ZNF277: variants seen among roughly 807,000 people sequenced by gnomAD.
The protein encoded by ZNF277 is zinc finger protein 277, also known as nuclear receptor-interacting factor 4.
Under a neutral mutation model 60.7 loss-of-function variants are expected in ZNF277, and 55 were observed. The observed-to-expected ratio is 0.91, with a 90% confidence interval of 0.73 to 1.13. ZNF277 has a LOEUF of 1.13. ZNF277 is among the 50% of genes most tolerant of loss of function. The pLI is 0.00. For missense variants in ZNF277, 510 were observed against 523.0 expected (o/e 0.98, Z 0.24); for synonymous variants, 178 against 179.3 (o/e 0.99, Z 0.06).
In ZNF277 at chr7:112,343,544, C is replaced by T. The variant is rs1362366793; in HGVS notation, c.*815C>T. Among the ~76,000 whole-genome samples, 2 of 152,064 alleles carry T rather than the reference C, an allele frequency of 1.3e-5. No homozygotes were observed. Among genetic ancestry groups the T allele is most frequent in the Non-Finnish European group, 2.9e-5 (2 of 68,016 alleles). ...ATTACTGATGAATATTATATGCCTC[C>T]TGATAAGATGTACTGAGGAGGACAG... On this transcript the variant is annotated 3_prime_UTR_variant, in exon 12 of 12. Coordinates refer to ENST00000361822, the MANE Select transcript of ZNF277 (RefSeq NM_021994.3).
Position 112,212,956 on chromosome 7 carries a change from G to A in ZNF277, c.91+6149G>A, listed in dbSNP as rs953507382. ...GGGGTTGCCTCACAAGGTATAGGCC[G>A]TGGGATGTCAGAGAAGATAAGAATT... On this transcript the variant is annotated intron_variant, in intron 1 of 11. Coordinates refer to ENST00000361822, the MANE Select transcript of ZNF277 (RefSeq NM_021994.3). Among the ~76,000 whole-genome samples, 4 of 152,264 alleles carry A rather than the reference G, an allele frequency of 2.6e-5. No homozygotes were observed. In the South Asian group the frequency reaches 6.2e-4, roughly 24 times the overall value.
chr7:112,256,860 G>A (rs1342847676), intron 1 of ZNF277, among the ~76,000 whole-genome samples: 1 of 152,112 alleles, frequency 6.6e-6, no homozygotes, highest in Non-Finnish European at 1.5e-5. Context: ...TAGAAAATCT[G>A]TTCTTTTCTT....
intron 9 of ZNF277, among the ~76,000 whole-genome samples, 175 bp from the exon 10 acceptor site, chr7:112,339,667 TA>T (rs1563234854): frequency 6.6e-6 from 1 of 152,162 alleles, no homozygotes; most frequent in Non-Finnish European, 1.5e-5. Flanking sequence ...GACTATGCTG[TA>T]AAAAAGTTGG....
chr7:112,263,767 G>T (rs1354130317), intron 1 of ZNF277, among the ~76,000 whole-genome samples: 1 of 152,166 alleles, frequency 6.6e-6, no homozygotes, highest in Non-Finnish European at 1.5e-5. Context: ...CTTTTTGTGG[G>T]TTTGGTTTTG....
chr7:112,222,959 C>T (rs548991848), intron 1 of ZNF277, among the ~76,000 whole-genome samples: 1 of 152,286 alleles, frequency 6.6e-6, no homozygotes, highest in African/African-American at 2.4e-5. Context: ...CAGCCTGCAT[C>T]TTTCTACCAT....
chr7:112,251,648 C>T (rs1376326207), intron 1 of ZNF277, among the ~76,000 whole-genome samples: 1 of 152,164 alleles, frequency 6.6e-6, no homozygotes, highest in African/African-American at 2.4e-5. Flanking sequence ...TAGTGATACC[C>T]TTGGACCTGA....
intron 1 of ZNF277, among the ~76,000 whole-genome samples, chr7:112,219,782 T>G (rs1821979068): frequency 6.6e-6 from 1 of 152,098 alleles, no homozygotes; most frequent in Non-Finnish European, 1.5e-5. Context: ...ATTACAGGTG[T>G]GCACCATCAC....
chr7:112,286,697 CT>C (rs1563216042), intron 1 of ZNF277, among the ~76,000 whole-genome samples, 175 bp from the exon 2 acceptor site: 1 of 152,148 alleles, frequency 6.6e-6, no homozygotes, highest in African/African-American at 2.4e-5. Flanking sequence ...GCTACAAACA[CT>C]GTTTAAAATG....
chr7:112,264,790 T>C (rs1791512047), intron 1 of ZNF277, among the ~76,000 whole-genome samples: 1 of 152,196 alleles, frequency 6.6e-6, no homozygotes, highest in Non-Finnish European at 1.5e-5. Flanking sequence ...TATTTACACA[T>C]ATTAAGTGTG....
chr7:112,237,845 G>A (rs891730014), intron 1 of ZNF277, among the ~76,000 whole-genome samples: 4 of 152,122 alleles, frequency 2.6e-5, no homozygotes, highest in Non-Finnish European at 5.9e-5. Context: ...ACACCCTGAT[G>A]TCAAAACCAG....
intron 1 of ZNF277, among the ~76,000 whole-genome samples, chr7:112,265,678 A>T (rs1336345600): frequency 6.6e-6 from 1 of 152,206 alleles, no homozygotes; most frequent in Non-Finnish European, 1.5e-5. Flanking sequence ...GTATATGAAG[A>T]AAAATCATCA....
intron 1 of ZNF277, among the ~76,000 whole-genome samples, chr7:112,256,091 G>T (rs1935796802): frequency 6.6e-6 from 1 of 152,088 alleles, no homozygotes; most frequent in African/African-American, 2.4e-5. Flanking sequence ...TTGGTGCTTA[G>T]CATACCATAG....
At chr7:112,334,902 A>G (rs1398910268) in intron 7 of ZNF277, among the ~76,000 whole-genome samples, 1 of 152,178 alleles carries the variant, frequency 6.6e-6, no homozygotes, top group East Asian at 1.9e-4. Flanking sequence ...GTGTTCTGTA[A>G]TGAGATTCAG....
At chr7:112,251,494 C>A (rs1010238396) in intron 1 of ZNF277, among the ~76,000 whole-genome samples, 1 of 152,162 alleles carries the variant, frequency 6.6e-6, no homozygotes, top group Non-Finnish European at 1.5e-5. Flanking sequence ...CTGTTACTTG[C>A]ATTTTTGTTT....
In ZNF277 at chr7:112,318,183, G is replaced by T; in HGVS notation, c.467G>T (p.Arg156Ile). Residue 156 changes from arginine (R) to isoleucine (I), a missense_variant and splice_region_variant, in exon 5 of 12, where the codon AGA becomes ATA. By Grantham distance (97) the Arg-to-Ile change is moderately conservative. Transcript: ENST00000361822. ...CATAAATCTGTTTCTACTTTCCAGA[G>T]AGAAATTCTGGAACAACAGCAGCAA... ...LREELQKQRL[R>I]EILEQQQQER... The T allele has an allele frequency of 2.5e-6, 4 of 1,610,480 alleles. No individual in the cohort carries two copies. Among genetic ancestry groups the T allele is most frequent in the Non-Finnish European group, 3.4e-6 (4 of 1,176,904 alleles).
intron 1 of ZNF277, among the ~76,000 whole-genome samples, chr7:112,241,398 G>A (rs897385907): frequency 2.0e-5 from 3 of 152,084 alleles, no homozygotes; most frequent in South Asian, 2.1e-4. Flanking sequence ...GGGAGCTCTC[G>A]TACACTGTGG....
chr7:112,287,150 TGGGA>T, intron 2 of ZNF277, 76 bp downstream of exon 2: 1 of 1,503,456 alleles, frequency 6.7e-7, no homozygotes, highest in South Asian at 1.2e-5. Context: ...CCTAGTACTT[TGGGA>T]GGCCAAAGTG....
intron 1 of ZNF277, among the ~76,000 whole-genome samples, chr7:112,219,133 T>A (rs771350859): frequency 6.6e-6 from 1 of 152,228 alleles, no homozygotes; most frequent in African/African-American, 2.4e-5. Flanking sequence ...TGCTTATCTC[T>A]TGTCTTTTTG....
intron 4 of ZNF277, among the ~76,000 whole-genome samples, chr7:112,303,997 T>TTAACA: frequency 6.6e-6 from 1 of 152,280 alleles, no homozygotes; most frequent in South Asian, 2.1e-4. Context: ...TCAACTCTCA[T>TTAACA]GGATTTGGGG....
Sources: allele counts gnomAD v4.1 joint callset (sites outside exome capture counted in the v4.1 genomes callset), GRCh38; gene constraint gnomAD v4.1.1; transcripts MANE v1.5; gene names NCBI Gene and HGNC (gene_info 2026-07-23, HGNC 2026-07-21).